The following SEMA6D variants were observed in gnomAD, a reference collection of about 807,000 sequenced individuals.
SEMA6D encodes semaphorin 6D.
A neutral mutation model predicts 106.6 loss-of-function variants in SEMA6D; 35 were observed. The observed-to-expected ratio is 0.33, with a 90% CI of 0.25 to 0.44. The LOEUF (loss-of-function observed/expected upper bound fraction) is 0.44, where lower values mean the gene tolerates loss of function less well. Among genes scored for constraint, SEMA6D ranks in the 20% least tolerant of loss-of-function variants. The pLI is 1.00. For synonymous variants in SEMA6D, 499 were observed against 487.7 expected (o/e 1.02, Z -0.31); for missense variants, 1,185 against 1,345.9 (o/e 0.88, Z 1.87).
Position 47,401,529 on chromosome 15 carries a change from C to T in SEMA6D, c.-238-10864C>T, listed in dbSNP as rs150459625. On this transcript the variant is annotated intron_variant, in intron 1 of 19. Transcript: ENST00000558014. Reference sequence around the variant, plus strand: ...GTTCTCTAACCACTGTGTTACAATGCGTAACCCCTCTTCTTCCTTCCACCT... The same window carrying T: ...GTTCTCTAACCACTGTGTTACAATGTGTAACCCCTCTTCTTCCTTCCACCT... 9.7e-4 allele frequency among the ~76,000 whole-genome samples: 148 copies of T among 152,252 alleles called. 2 individuals carry two copies. In the East Asian group the frequency reaches 0.021, roughly 21 times the overall value.
chr15:47,385,420 A>C (rs2039798860), intron 1 of SEMA6D, among the ~76,000 whole-genome samples: 2 of 152,132 alleles, frequency 1.3e-5, no homozygotes, highest in Non-Finnish European at 2.9e-5. Flanking sequence ...TTCCATTTTA[A>C]TTTCCATAAC....
At chr15:47,572,922 A>C (rs1437533264) in intron 3 of SEMA6D, among the ~76,000 whole-genome samples, 1 of 152,184 alleles carries the variant, frequency 6.6e-6, no homozygotes, top group African/African-American at 2.4e-5. Flanking sequence ...TTACATCCTA[A>C]AGGTAAATCA....
At chr15:47,315,911 T>C (rs1176669510) in intron 1 of SEMA6D, among the ~76,000 whole-genome samples, 1 of 152,090 alleles carries the variant, frequency 6.6e-6, no homozygotes. Flanking sequence ...TATAGGAGAA[T>C]AATCGACTTT....
intron 4 of SEMA6D, among the ~76,000 whole-genome samples, chr15:47,647,235 T>A (rs1476184948): frequency 2.0e-5 from 3 of 152,192 alleles, no homozygotes; most frequent in Non-Finnish European, 1.5e-5. Context: ...GATATACACC[T>A]TTCTAAGTAA....
At chr15:47,689,592 G>A (rs1368031326) in intron 4 of SEMA6D, among the ~76,000 whole-genome samples, 1 of 152,190 alleles carries the variant, frequency 6.6e-6, no homozygotes, top group East Asian at 1.9e-4. Context: ...GGTAAAATGA[G>A]GAAGGGCCTC....
chr15:47,725,229 G>A (rs2079666358), intron 1 of SEMA6D, among the ~76,000 whole-genome samples: 1 of 152,140 alleles, frequency 6.6e-6, no homozygotes, highest in African/African-American at 2.4e-5. Flanking sequence ...TATAGTGCAT[G>A]CTCATCACTG....
At chr15:47,256,756 G>A (rs948783447) in intron 1 of SEMA6D, among the ~76,000 whole-genome samples, 1 of 152,118 alleles carries the variant, frequency 6.6e-6, no homozygotes, top group African/African-American at 2.4e-5. Context: ...CTACTCAGGA[G>A]GCTGAGGCAG....
chr15:47,224,195 TA>T (rs1048394671), intron 1 of SEMA6D, among the ~76,000 whole-genome samples: 37 of 149,302 alleles, frequency 2.5e-4, no homozygotes, highest in African/African-American at 4.6e-4. Flanking sequence ...AAATTAAATT[TA>T]AAAAAAAAAG....
chr15:47,291,949 T>C (rs1387459735), intron 1 of SEMA6D, among the ~76,000 whole-genome samples: 1 of 152,222 alleles, frequency 6.6e-6, no homozygotes, highest in Non-Finnish European at 1.5e-5. Context: ...GTTAACATGC[T>C]CCACCTGTTG....
intron 2 of SEMA6D, among the ~76,000 whole-genome samples, chr15:47,457,960 A>G (rs7175895): frequency 0.26 from 38,899 of 151,810 alleles, 5,093 homozygotes; most frequent in East Asian, 0.39. Flanking sequence ...GGCTGCAGAC[A>G]TTGAAAACAA....
intron 4 of SEMA6D, among the ~76,000 whole-genome samples, chr15:47,697,201 A>G (rs1405582282): frequency 2.0e-5 from 3 of 152,178 alleles, no homozygotes; most frequent in Non-Finnish European, 4.4e-5. Context: ...ACATCTGTCA[A>G]CTTGCAGGAA....
At chr15:47,644,884 T>G (rs2077552901) in intron 4 of SEMA6D, among the ~76,000 whole-genome samples, 1 of 152,178 alleles carries the variant, frequency 6.6e-6, no homozygotes, top group African/African-American at 2.4e-5. Context: ...GTGTTTCTTT[T>G]GGGGGCCTGA....
intron 4 of SEMA6D, among the ~76,000 whole-genome samples, chr15:47,693,115 A>G (rs1328876441): frequency 6.6e-6 from 1 of 152,186 alleles, no homozygotes; most frequent in Non-Finnish European, 1.5e-5. Context: ...GAGGTAATCA[A>G]GTTAAAATGA....
chr15:47,492,055 A>G (rs1464864179), intron 3 of SEMA6D, among the ~76,000 whole-genome samples: 1 of 152,198 alleles, frequency 6.6e-6, no homozygotes, highest in Non-Finnish European at 1.5e-5. Flanking sequence ...ATTCAAGAAG[A>G]TGGTAACTTC....
At chr15:47,310,301 C>T (rs1425233011) in intron 1 of SEMA6D, among the ~76,000 whole-genome samples, 2 of 152,114 alleles carry the variant, frequency 1.3e-5, no homozygotes, top group African/African-American at 4.8e-5. Flanking sequence ...TAAAAGCAGC[C>T]AATTTCAGAG....
At chr15:47,395,033 G>C (rs1419557778) in intron 1 of SEMA6D, among the ~76,000 whole-genome samples, 1 of 151,912 alleles carries the variant, frequency 6.6e-6, no homozygotes, top group African/African-American at 2.4e-5. Context: ...AATATATGCA[G>C]CTTTCCTGGA....
intron 1 of SEMA6D, among the ~76,000 whole-genome samples, chr15:47,219,941 T>A (rs1192020680): frequency 1.3e-5 from 2 of 152,116 alleles, no homozygotes; most frequent in Admixed American, 1.3e-4. Flanking sequence ...GTGGGATAAA[T>A]GGTGTGGTTT....
At chr15:47,367,692 G>GCACACACA (rs72057750) in intron 1 of SEMA6D, among the ~76,000 whole-genome samples, 51 of 73,404 alleles carry the variant, frequency 6.9e-4, no homozygotes, top group Admixed American at 2.9e-3. Context: ...GCGCGCGCGC[G>GCACACACA]CACACACACA....
intron 4 of SEMA6D, among the ~76,000 whole-genome samples, chr15:47,640,572 G>C (rs578034528): frequency 6.6e-6 from 1 of 152,198 alleles, no homozygotes; most frequent in African/African-American, 2.4e-5. Context: ...GCACTTAAGG[G>C]ATCATTAAAA....
Sources: allele counts gnomAD v4.1 joint callset (sites outside exome capture counted in the v4.1 genomes callset), GRCh38; gene constraint gnomAD v4.1.1; transcripts MANE v1.5; gene names NCBI Gene and HGNC (gene_info 2026-07-23, HGNC 2026-07-21).